Variants in AGAP1 observed in about 807,000 individuals in gnomAD.
AGAP1 encodes ArfGAP with GTPase domain, ankyrin repeat and PH domain 1, also known as arf-GAP with GTPase, ANK repeat and PH domain-containing protein 1.
A neutral mutation model predicts 105.3 loss-of-function variants in AGAP1; 29 were observed. That is an observed-to-expected ratio of 0.28 (90% confidence interval 0.21 to 0.38). The LOEUF is 0.38. Among genes scored for constraint, AGAP1 ranks in the 10% least tolerant of loss-of-function variants. The pLI is 1.00. For missense variants in AGAP1, 998 were observed against 1,165.1 expected (o/e 0.86, Z 2.09); for synonymous variants, 509 against 485.9 (o/e 1.05, Z -0.63).
In AGAP1 at chr2:235,875,165, A is replaced by C. The variant is rs1331786421; in HGVS notation, c.1051-8180A>C. On this transcript the variant is annotated intron_variant, in intron 9 of 17. Coordinates refer to ENST00000304032, the MANE Select transcript of AGAP1 (RefSeq NM_001037131.3). This position sits in a 1 kb window ranked among gnomAD's most constrained non-coding sequence, Gnocchi z 4.0. ...TCAGCCTTGTTTTATAAATGAGGTC[A>C]CTTTTCAACCTTACTGGTCCATGGC... 2.0e-5 allele frequency among the ~76,000 whole-genome samples: 3 copies of C among 152,166 alleles called. No homozygotes were observed. The East Asian group carries it at 5.8e-4, about 29-fold the overall frequency.
chr2:235,841,147 G>A (rs1960782252), intron 9 of AGAP1, among the ~76,000 whole-genome samples: 1 of 152,082 alleles, frequency 6.6e-6, no homozygotes, highest in African/African-American at 2.4e-5. Flanking sequence ...GCAGGAGGGA[G>A]CCACAGCACA....
rs1383744936 is a variant in AGAP1 at position 235,842,651 on chromosome 2, C to T, written c.1050+35320C>T. On this transcript the variant is annotated intron_variant, in intron 9 of 17. Transcript: ENST00000304032. This position sits in a 1 kb window ranked among gnomAD's most constrained non-coding sequence, Gnocchi z 5.3. ...AAAAGACCCACCTGTAGCAAGCCTC[C>T]ATGTGGATTTGAGTTTCTTACCCTA... is the stretch of plus-strand genomic sequence containing the variant. 6.6e-6 allele frequency among the ~76,000 whole-genome samples: 1 copy of T among 152,198 alleles called. No homozygotes were observed.
chr2:235,865,463 CAATT>C lies in AGAP1; in HGVS notation c.1051-17879_1051-17876del, dbSNP rs748866401. 5.8e-4 allele frequency among the ~76,000 whole-genome samples: 89 copies of C among 152,162 alleles called. No homozygotes were observed. The highest frequency in any genetic ancestry group is 1.0e-3 in the Non-Finnish European group (69 of 68,034). ...ACGATTGCTGGAGATGCTGACAGCTCAATTAAAGTGTAACCCTTTGTGCCCTGCA... is the reference window on the plus strand; with the variant it reads ...ACGATTGCTGGAGATGCTGACAGCTCAAAGTGTAACCCTTTGTGCCCTGCA... On this transcript the variant is annotated intron_variant, in intron 9 of 17. Coordinates refer to ENST00000304032, the MANE Select transcript of AGAP1 (RefSeq NM_001037131.3). This position sits in a 1 kb window ranked among gnomAD's most constrained non-coding sequence, Gnocchi z 6.2.
intron 1 of AGAP1, among the ~76,000 whole-genome samples, chr2:235,579,502 G>A (rs752922237): frequency 2.6e-5 from 4 of 152,098 alleles, no homozygotes; most frequent in Admixed American, 2.0e-4. Context: ...TTGGCCAGGC[G>A]TGGTGGCTCA....
intron 9 of AGAP1, among the ~76,000 whole-genome samples, chr2:235,846,256 T>C (rs562187356): frequency 6.6e-6 from 1 of 152,342 alleles, no homozygotes; most frequent in African/African-American, 2.4e-5. Flanking sequence ...TTATAGACCC[T>C]TGTGAAATGC....
At chr2:235,514,005 T>C (rs1009246641) in intron 1 of AGAP1, among the ~76,000 whole-genome samples, 4 of 152,246 alleles carry the variant, frequency 2.6e-5, no homozygotes, top group Admixed American at 1.3e-4. Context: ...CCCAGGCTCC[T>C]GTTGAGATGC....
chr2:235,949,575 A>T (rs2053644810), intron 12 of AGAP1, among the ~76,000 whole-genome samples: 1 of 152,046 alleles, frequency 6.6e-6, no homozygotes, highest in African/African-American at 2.4e-5. Context: ...GGCTGTGTAG[A>T]TTTGCCGCTT....
chr2:235,627,605 G>GGGCTT (rs764055469), intron 1 of AGAP1, among the ~76,000 whole-genome samples: 3 of 152,072 alleles, frequency 2.0e-5, no homozygotes, highest in Non-Finnish European at 4.4e-5. Context: ...ACTGCCCGTG[G>GGGCTT]GGCTTATTTT....
rs890068008 is a variant in AGAP1, at chr2:236,020,810, C to T, written c.1646-15751C>T. On this transcript the variant is annotated intron_variant, in intron 13 of 17. Coordinates refer to ENST00000304032, the MANE Select transcript of AGAP1 (RefSeq NM_001037131.3). This position sits in a 1 kb window ranked among gnomAD's most constrained non-coding sequence, Gnocchi z 5.0. ...TATTCAGTAGGCCTTTTTAATGTAT[C>T]GGTACAGAGCAGAGCTGGCCAAAGC... is the stretch of plus-strand genomic sequence containing the variant. Among the ~76,000 whole-genome samples, 8 of 152,136 alleles carry T rather than the reference C, an allele frequency of 5.3e-5. No individual in the cohort carries two copies. The highest frequency in any genetic ancestry group is 1.0e-4 in the Non-Finnish European group (7 of 68,038).
intron 1 of AGAP1, among the ~76,000 whole-genome samples, chr2:235,661,488 A>G (rs1405562191): frequency 6.8e-6 from 1 of 147,864 alleles, no homozygotes; most frequent in Non-Finnish European, 1.5e-5. Context: ...TGATAGTTTC[A>G]AGGAATCCTA....
chr2:235,538,447 G>GTGTGTGTGTGTGTGTT (rs1553561890), intron 1 of AGAP1, among the ~76,000 whole-genome samples: 1 of 150,828 alleles, frequency 6.6e-6, no homozygotes, highest in Non-Finnish European at 1.5e-5. Context: ...GTGTGTGTGT[G>GTGTGTGTGTGTGTGTT]TGTGTGTGTG....
intron 16 of AGAP1, among the ~76,000 whole-genome samples, chr2:236,074,050 C>T (rs966727462): frequency 6.6e-6 from 1 of 152,138 alleles, no homozygotes; most frequent in Non-Finnish European, 1.5e-5. Context: ...ATTGTCCCAG[C>T]GTGGTGGGGG....
At chr2:235,603,042 C>T (rs889861716) in intron 1 of AGAP1, among the ~76,000 whole-genome samples, 1 of 152,112 alleles carries the variant, frequency 6.6e-6, no homozygotes, top group Non-Finnish European at 1.5e-5. Context: ...GGCTGTGTCC[C>T]CACCCAAATC....
intron 1 of AGAP1, among the ~76,000 whole-genome samples, chr2:235,630,146 G>GT (rs1946779786): frequency 6.6e-6 from 1 of 151,902 alleles, no homozygotes; most frequent in African/African-American, 2.4e-5. Context: ...CAAATAAGTT[G>GT]TTTTTTGAAA....
Position 235,906,099 on chromosome 2 carries a change from C to T in AGAP1, c.1156-2639C>T, listed in dbSNP as rs2051292691. On this transcript the variant is annotated intron_variant, in intron 10 of 17. Transcript: ENST00000304032. The surrounding 1 kb of genome is among the most constrained non-coding windows in gnomAD (Gnocchi z 5.3). ...TTTCCTCCAAGGGGGCTGTGGCTGA[C>T]TCCAGCCAGCCTGCCCTGAGAGTCA... 6.6e-6 allele frequency among the ~76,000 whole-genome samples: 1 copy of T among 152,188 alleles called. No individual in the cohort carries two copies. The highest frequency in any genetic ancestry group is 1.5e-5 in the Non-Finnish European group (1 of 68,040).
chr2:235,689,187 G>A lies in AGAP1; in HGVS notation c.164-19992G>A, dbSNP rs1011452907. 2.0e-5 allele frequency among the ~76,000 whole-genome samples: 3 copies of A among 152,164 alleles called. No homozygotes were observed. Among genetic ancestry groups the A allele is most frequent in the African/African-American group, 4.8e-5 (2 of 41,440 alleles). ...CTTTGCTGGCCCTTGTGCTGCCTTC[G>A]GTAGATGGCCCCGGCCCTGCCTATG... On this transcript the variant is annotated intron_variant, in intron 1 of 17. Transcript: ENST00000304032. This position sits in a 1 kb window ranked among gnomAD's most constrained non-coding sequence, Gnocchi z 4.2.
At chr2:235,884,838 T>C (rs2050194317) in intron 10 of AGAP1, among the ~76,000 whole-genome samples, 1 of 150,624 alleles carries the variant, frequency 6.6e-6, no homozygotes, top group Non-Finnish European at 1.5e-5. Flanking sequence ...TATATCACTG[T>C]GTCAGGCTAG....
intron 1 of AGAP1, among the ~76,000 whole-genome samples, chr2:235,496,211 C>T (rs1941313251): frequency 6.6e-6 from 1 of 152,194 alleles, no homozygotes; most frequent in Admixed American, 6.5e-5. Context: ...CAGACTATAC[C>T]CTTGGGGGAC....
At chr2:236,118,893 T>C (rs1429107555) in intron 16 of AGAP1, among the ~76,000 whole-genome samples, 1 of 152,074 alleles carries the variant, frequency 6.6e-6, no homozygotes, top group Non-Finnish European at 1.5e-5. Context: ...TCTGTCACGC[T>C]CTTTTTTGAG....
Sources: allele counts gnomAD v4.1 joint callset (sites outside exome capture counted in the v4.1 genomes callset), GRCh38; gene constraint gnomAD v4.1.1; non-coding constraint Gnocchi (gnomAD v3.1); transcripts MANE v1.5; gene names NCBI Gene and HGNC (gene_info 2026-07-23, HGNC 2026-07-21).